Variants in KLC1 observed in about 807,000 individuals in gnomAD.
The protein encoded by KLC1 is kinesin light chain 1.
Under a neutral mutation model 84.2 loss-of-function variants are expected in KLC1, and 30 were observed. That is an observed-to-expected ratio of 0.36 (90% confidence interval 0.27 to 0.48). The LOEUF (loss-of-function observed/expected upper bound fraction) is 0.48. Among genes scored for constraint, KLC1 ranks in the 20% least tolerant of loss-of-function variants. KLC1 has a pLI of 0.99. For synonymous variants in KLC1, 289 were observed against 293.3 expected (o/e 0.99, Z 0.15); for missense variants, 499 against 805.4 (o/e 0.62, Z 4.60).
At chr14:103,698,667 C>T (rs1374883044) in intron 15 of KLC1, 32 of 814,494 alleles carry the variant, frequency 3.9e-5, no homozygotes, top group Non-Finnish European at 6.1e-5. Flanking sequence ...GAAAGTGGAG[C>T]CGCTGCCCTG....
At chr14:103,635,174 A>G (rs2076958353) in intron 1 of KLC1, among the ~76,000 whole-genome samples, 1 of 152,224 alleles carries the variant, frequency 6.6e-6, no homozygotes, top group Non-Finnish European at 1.5e-5. Flanking sequence ...GAACTGAGTT[A>G]CTTCCTTGGT....
chr14:103,663,627 G>A (rs2079489523), intron 5 of KLC1, among the ~76,000 whole-genome samples: 2 of 152,168 alleles, frequency 1.3e-5, no homozygotes, highest in African/African-American at 4.8e-5. Context: ...TTGGAATCCG[G>A]GATTCAACTT....
intron 13 of KLC1, chr14:103,685,625 T>G: frequency 1.6e-6 from 2 of 1,289,356 alleles, no homozygotes; most frequent in Non-Finnish European, 2.0e-6. Context: ...TCTCTCTCCT[T>G]TCTGTCTGAC....
At chr14:103,644,222 A>G (rs1595287906) in intron 1 of KLC1, among the ~76,000 whole-genome samples, 1 of 151,214 alleles carries the variant, frequency 6.6e-6, no homozygotes, top group East Asian at 2.0e-4. Flanking sequence ...CTCAAAAAAA[A>G]AAAAAAAAAA....
chr14:103,695,751 G>T (rs1004095424), intron 15 of KLC1: 6 of 985,328 alleles, frequency 6.1e-6, no homozygotes, highest in Non-Finnish European at 7.2e-6. Context: ...CTTTAGGGCC[G>T]AGGTGGCCTC....
chr14:103,637,603 T>C (rs1363868835), intron 1 of KLC1, among the ~76,000 whole-genome samples: 1 of 152,078 alleles, frequency 6.6e-6, no homozygotes, highest in Non-Finnish European at 1.5e-5. Flanking sequence ...CAACATCCGC[T>C]TTCCTTAATT....
chr14:103,631,428 A>G (rs1454813032), intron 1 of KLC1, among the ~76,000 whole-genome samples: 1 of 152,068 alleles, frequency 6.6e-6, no homozygotes, highest in Admixed American at 6.6e-5. Flanking sequence ...ATGTTTCTCA[A>G]TGTTGGAAAA....
At chr14:103,657,290 C>G (rs546312669) in intron 2 of KLC1, among the ~76,000 whole-genome samples, 2 of 152,180 alleles carry the variant, frequency 1.3e-5, no homozygotes, top group African/African-American at 4.8e-5. Flanking sequence ...ATTGCTAGTT[C>G]ATTTGGCATG....
In KLC1 at chr14:103,673,114, A is replaced by G; in HGVS notation, c.1088A>G (p.Gln363Arg). 3 of 1,613,492 alleles carry G rather than the reference A, an allele frequency of 1.9e-6. No individual in the cohort carries two copies. The highest frequency in any genetic ancestry group is 2.5e-6 in the Non-Finnish European group (3 of 1,179,826). Reference protein sequence around the residue: ...GKYEEVEYYYQRALEIYQTKL... With the variant: ...GKYEEVEYYYRRALEIYQTKL... Reference sequence around the variant, plus strand: ...TATGAAGAAGTAGAATATTATTATCAAAGAGCCCTCGAGATCTACCAGACA... The same window carrying G: ...TATGAAGAAGTAGAATATTATTATCGAAGAGCCCTCGAGATCTACCAGACA... Residue 363 changes from glutamine (Q) to arginine (R), a missense_variant, in exon 8 of 17, where the codon CAA becomes CGA. Physicochemically the swap from Gln to Arg is conservative, Grantham distance 43. Transcript: ENST00000334553.
chr14:103,635,719 C>T (rs972059943), intron 1 of KLC1, among the ~76,000 whole-genome samples: 2 of 151,726 alleles, frequency 1.3e-5, no homozygotes, highest in African/African-American at 4.8e-5. Context: ...AGCCACGGCA[C>T]TCCAGCCTGG....
At chr14:103,658,840 G>A (rs1243500904) in intron 3 of KLC1, among the ~76,000 whole-genome samples, 3 of 151,022 alleles carry the variant, frequency 2.0e-5, no homozygotes, top group African/African-American at 7.3e-5. Context: ...TGTATTTTTA[G>A]TAGAGATAGG....
Position 103,662,884 on chromosome 14 carries a change from C to T in KLC1, c.754C>T (p.Pro252Ser), listed in dbSNP as rs1567022587. 1 of 1,613,540 alleles carries T rather than the reference C, an allele frequency of 6.2e-7. No individual in the cohort carries two copies. Among genetic ancestry groups the T allele is most frequent in the Non-Finnish European group, 8.5e-7 (1 of 1,179,864 alleles). Reference sequence around the variant, plus strand: ...GGAGAAGACTTCAGGACACGACCACCCGGACGTGGCCACCATGCTCAACAT... The same window carrying T: ...GGAGAAGACTTCAGGACACGACCACTCGGACGTGGCCACCATGCTCAACAT... ...DLEKTSGHDH[P>S]DVATMLNILA... The change falls in exon 5 of 17, where the codon CCG becomes TCG. Residue 252 changes from proline (P) to serine (S), a missense_variant. Transcript: ENST00000334553.
intron 7 of KLC1, among the ~76,000 whole-genome samples, chr14:103,671,650 C>A (rs1231834853): frequency 2.6e-5 from 4 of 152,200 alleles, no homozygotes; most frequent in Non-Finnish European, 5.9e-5. Flanking sequence ...GGATTACAGG[C>A]ATGAGCCACT....
At chr14:103,692,307 G>A in intron 14 of KLC1, 52 bp from the exon 15 acceptor site, 1 of 1,510,064 alleles carries the variant, frequency 6.6e-7, no homozygotes, top group Non-Finnish European at 8.9e-7. Flanking sequence ...CCTGTTGCTG[G>A]TTGACCGATG....
intron 7 of KLC1, among the ~76,000 whole-genome samples, chr14:103,672,433 AT>A (rs2080479388): frequency 6.6e-6 from 1 of 152,220 alleles, no homozygotes; most frequent in African/African-American, 2.4e-5. Flanking sequence ...TGGGGCTTAC[AT>A]TGTAATAAAA....
At chr14:103,696,122 C>T (rs1049674120) in intron 15 of KLC1, 1 of 966,634 alleles carries the variant, frequency 1.0e-6, no homozygotes, top group Non-Finnish European at 1.2e-6. Flanking sequence ...CCCACAGCAG[C>T]CGTGTGTGCA....
At chr14:103,629,694 C>T (rs61637848) in intron 1 of KLC1, among the ~76,000 whole-genome samples, 200 bp downstream of exon 1, 42,287 of 151,618 alleles carry the variant, frequency 0.28, 6,628 homozygotes, top group East Asian at 0.35. Context: ...CGACCCCTTC[C>T]AGGTTCAGGT....
At position 103,694,556 on chromosome 14, in the gene KLC1, CA is replaced by C. The variant is rs2082312768; in HGVS notation, c.1848+2134del. 1 of 985,372 alleles carries C rather than the reference CA, an allele frequency of 1.0e-6. No individual in the cohort carries two copies. The highest frequency in any genetic ancestry group is 6.1e-5 in the Admixed American group (1 of 16,270). The allele number at this position is 985,372 out of a possible 1,614,324, so 61.0% of individuals were successfully genotyped here. A position where few individuals can be genotyped will look rare whatever the true frequency, so the allele number is the denominator to read the frequency against. ...TGAGGCTGTATTTCTTAGCCGTCCA[CA>C]AACTAGTCCATAGGTAAAGAGCATA... On this transcript the variant is annotated intron_variant, in intron 15 of 16. Transcript: ENST00000334553. The surrounding 1 kb of genome is among the most constrained non-coding windows in gnomAD (Gnocchi z 4.5).
At position 103,695,866 on chromosome 14, in the gene KLC1, G is replaced by A. The variant is rs79358125; in HGVS notation, c.1848+3441G>A. On this transcript the variant is annotated intron_variant, in intron 15 of 16. Transcript: ENST00000334553. The stretch of plus-strand genomic sequence containing the variant: ...AAGGTTCGTGTTTCAGAGGGAGGCG[G>A]CAAGGGAATCTGAGTACCTGAGTCC... The A allele has an allele frequency of 3.5e-4, 346 of 985,398 alleles. 6 individuals carry two copies. In the East Asian group the frequency reaches 0.021, roughly 61 times the overall value. 61.0% of individuals were successfully genotyped at this position (985,398 alleles called of 1,614,324 possible).
Sources: gnomAD v4.1 joint callset for allele counts (sites outside exome capture counted in the v4.1 genomes callset) on GRCh38, gnomAD v4.1.1 for gene constraint, Gnocchi (gnomAD v3.1) non-coding constraint, MANE v1.5 for transcripts, NCBI Gene and HGNC (gene_info 2026-07-23, HGNC 2026-07-21) for gene names.